The following DCLK2 variants were observed in gnomAD, a reference collection of about 807,000 sequenced individuals.
DCLK2 encodes serine/threonine-protein kinase DCLK2.
DCLK2 carries 31 observed loss-of-function variants against 78.4 expected under a neutral mutation model. The ratio of observed to expected loss-of-function variants is 0.40; its 90% CI spans 0.30 to 0.53. DCLK2 has a LOEUF of 0.53. DCLK2 is among the 20% of genes least tolerant of loss of function. The pLI is 0.61. For synonymous variants in DCLK2, 407 were observed against 374.9 expected (o/e 1.09, Z -0.99); for missense variants, 872 against 973.7 (o/e 0.90, Z 1.39).
At chr4:150,192,036 G>C (rs978733611) in intron 2 of DCLK2, among the ~76,000 whole-genome samples, 14 of 152,172 alleles carry the variant, frequency 9.2e-5, no homozygotes, top group African/African-American at 3.1e-4. Context: ...GAAAACTGGT[G>C]AAAATAAAGC....
At chr4:150,086,652 G>A (rs564878613) in intron 1 of DCLK2, among the ~76,000 whole-genome samples, 3 of 151,932 alleles carry the variant, frequency 2.0e-5, no homozygotes, top group South Asian at 2.1e-4. Context: ...GACTACAGGC[G>A]CCCACCACCA....
intron 2 of DCLK2, among the ~76,000 whole-genome samples, chr4:150,168,301 CGT>C (rs1373926173): frequency 6.6e-6 from 1 of 150,598 alleles, no homozygotes; most frequent in African/African-American, 2.4e-5. Context: ...GAGCCGAGAT[CGT>C]GTCACTGCAT....
intron 3 of DCLK2, among the ~76,000 whole-genome samples, chr4:150,195,665 T>C (rs144777089): frequency 1.7e-3 from 261 of 150,544 alleles, no homozygotes; most frequent in African/African-American, 6.1e-3. Flanking sequence ...TTACTTTGTA[T>C]GTACAGGCAT....
intron 1 of DCLK2, among the ~76,000 whole-genome samples, chr4:150,095,001 A>G (rs13132633): frequency 0.34 from 51,871 of 152,072 alleles, 9,161 homozygotes; most frequent in East Asian, 0.42. Flanking sequence ...TTTTAAAGAA[A>G]TTCTCCACTA....
chr4:150,257,160 G>C lies in DCLK2; in HGVS notation c.*913G>C, dbSNP rs1344436814. The stretch of plus-strand genomic sequence containing the variant: ...TGCTTCCTCATCTGCATTTCATCTG[G>C]AGCAGGGCAGGTAACCACAGGAGGA... On this transcript the variant is annotated 3_prime_UTR_variant, in exon 16 of 16. Transcript: ENST00000296550. 6.6e-6 allele frequency: 1 copy of C among 152,632 alleles called. No individual in the cohort carries two copies. The highest frequency in any genetic ancestry group is 1.5e-5 in the Non-Finnish European group (1 of 68,136). 9.5% of individuals were successfully genotyped at this position (152,632 alleles called of 1,614,324 possible).
At chr4:150,103,041 T>G (rs1224897058) in intron 2 of DCLK2, among the ~76,000 whole-genome samples, 1 of 152,142 alleles carries the variant, frequency 6.6e-6, no homozygotes, top group East Asian at 1.9e-4. Context: ...TATAGAGAAG[T>G]CTATCATATA....
At chr4:150,084,650 A>T (rs1354348222) in intron 1 of DCLK2, among the ~76,000 whole-genome samples, 1 of 152,210 alleles carries the variant, frequency 6.6e-6, no homozygotes, top group Non-Finnish European at 1.5e-5. Context: ...ACACAGTGAT[A>T]CTCTGGAAGT....
intron 8 of DCLK2, among the ~76,000 whole-genome samples, chr4:150,227,041 G>A (rs1256095659): frequency 6.6e-6 from 1 of 152,076 alleles, no homozygotes; most frequent in African/African-American, 2.4e-5. Context: ...TACCTTTAAT[G>A]ACTTGCAAAA....
At chr4:150,253,719 G>A (rs1744354878) in intron 15 of DCLK2, 3 of 985,230 alleles carry the variant, frequency 3.0e-6, no homozygotes, top group South Asian at 9.4e-5. Context: ...GCAGGCCCCT[G>A]GAAAACTTTA....
rs556267546 is a variant in DCLK2 at position 150,233,874 on chromosome 4, G to A, written c.1566+1046G>A. Reference sequence around the variant, plus strand: ...GCTTGCTAATTGGGAACCAATCCTCGTGACCACGTTATAGAAGAATTTTAG... The same window carrying A: ...GCTTGCTAATTGGGAACCAATCCTCATGACCACGTTATAGAAGAATTTTAG... On this transcript the variant is annotated intron_variant, in intron 10 of 15. Coordinates refer to ENST00000296550, the MANE Select transcript of DCLK2 (RefSeq NM_001040260.4). Among the ~76,000 whole-genome samples the A allele has an allele frequency of 5.3e-5, 8 of 152,216 alleles. No homozygotes were observed. In the South Asian group the frequency reaches 6.2e-4, roughly 12 times the overall value.
At chr4:150,232,537 T>A in intron 9 of DCLK2, 81 bp downstream of exon 9, 3 of 1,555,906 alleles carry the variant, frequency 1.9e-6, no homozygotes, top group Non-Finnish European at 2.6e-6. Context: ...AAAAGTGTAT[T>A]GCTACCTCAT....
chr4:150,087,854 G>T (rs1272537514), intron 1 of DCLK2, among the ~76,000 whole-genome samples: 1 of 151,974 alleles, frequency 6.6e-6, no homozygotes, highest in Non-Finnish European at 1.5e-5. Flanking sequence ...GGAAATTAGA[G>T]TAATATTTTT....
intron 2 of DCLK2, among the ~76,000 whole-genome samples, chr4:150,155,351 C>G (rs2150234656): frequency 6.6e-6 from 1 of 152,304 alleles, no homozygotes. Context: ...TCTTCTGGAT[C>G]AAAACATGTA....
intron 4 of DCLK2, among the ~76,000 whole-genome samples, chr4:150,202,081 T>C (rs1024306883): frequency 6.6e-6 from 1 of 152,188 alleles, no homozygotes; most frequent in South Asian, 2.1e-4. Context: ...ATACTTTACA[T>C]TGAGGTTCAT....
chr4:150,242,003 A>G (rs1004215129), intron 12 of DCLK2, among the ~76,000 whole-genome samples: 2 of 152,230 alleles, frequency 1.3e-5, no homozygotes, highest in African/African-American at 4.8e-5. Flanking sequence ...CTGGGTCACT[A>G]TGTGAAAAAT....
At chr4:150,211,599 C>A (rs1740324006) in intron 5 of DCLK2, among the ~76,000 whole-genome samples, 1 of 152,188 alleles carries the variant, frequency 6.6e-6, no homozygotes, top group Non-Finnish European at 1.5e-5. Flanking sequence ...CCTTTCCAAC[C>A]TTCCTGTCCA....
chr4:150,158,064 A>G (rs886633049), intron 2 of DCLK2, among the ~76,000 whole-genome samples: 4 of 152,222 alleles, frequency 2.6e-5, no homozygotes, highest in Non-Finnish European at 5.9e-5. Flanking sequence ...AAAATACTAC[A>G]TACTGGGTGG....
chr4:150,078,909 T>C lies in DCLK2; in HGVS notation c.-119T>C. 7.7e-7 allele frequency: 1 copy of C among 1,293,668 alleles called. No homozygotes were observed. The highest frequency in any genetic ancestry group is 1.8e-5 in the South Asian group (1 of 57,126). 80.1% of individuals were successfully genotyped at this position (1,293,668 alleles called of 1,614,324 possible). On this transcript the variant is annotated 5_prime_UTR_variant, in exon 1 of 16. It removes an upstream start codon present in the reference 5' UTR. Transcript: ENST00000296550. ...CCCCACCTGCGCGGAGAGGGCGGGATGCCAGAGCCAGGTGTCCCGGCGCGT... is the reference window on the plus strand; with the variant it reads ...CCCCACCTGCGCGGAGAGGGCGGGACGCCAGAGCCAGGTGTCCCGGCGCGT...
intron 2 of DCLK2, among the ~76,000 whole-genome samples, chr4:150,118,809 T>G (rs1483413888): frequency 1.3e-5 from 2 of 151,934 alleles, no homozygotes; most frequent in African/African-American, 4.8e-5. Context: ...CCTGATCACT[T>G]GAGGTCAGGA....
Sources: allele counts gnomAD v4.1 joint callset (sites outside exome capture counted in the v4.1 genomes callset), GRCh38; gene constraint gnomAD v4.1.1; transcripts MANE v1.5; gene names NCBI Gene and HGNC (gene_info 2026-07-23, HGNC 2026-07-21).